The following AKAP6 variants were observed in gnomAD, a reference collection of about 807,000 sequenced individuals.
AKAP6 encodes the protein A-kinase anchoring protein 6.
In AKAP6, 58 loss-of-function variants were observed where a neutral mutation model predicts 188.5. The observed-to-expected ratio is 0.31, with a 90% CI of 0.25 to 0.38. The LOEUF (loss-of-function observed/expected upper bound fraction) is 0.38. AKAP6 is among the 10% of genes least tolerant of loss of function. The probability of loss-of-function intolerance (pLI) is 1.00; values close to 1 mark genes in which losing one functional copy is unlikely to be tolerated. For synonymous variants in AKAP6, 989 were observed against 998.6 expected (o/e 0.99, Z 0.18); for missense variants, 2,710 against 2,740.0 (o/e 0.99, Z 0.24).
intron 3 of AKAP6, among the ~76,000 whole-genome samples, chr14:32,538,845 CTAAAAA>C (rs1275707088): frequency 6.6e-6 from 1 of 151,804 alleles, no homozygotes; most frequent in African/African-American, 2.4e-5. Flanking sequence ...TACCCCAGAA[CTAAAAA>C]TTAAAATTAA....
chr14:32,730,527 T>G (rs1366450912), intron 9 of AKAP6, among the ~76,000 whole-genome samples: 1 of 152,134 alleles, frequency 6.6e-6, no homozygotes, highest in African/African-American at 2.4e-5. Flanking sequence ...TTGACTGATG[T>G]GCTGTGTGAG....
At chr14:32,522,540 A>G (rs920189377) in intron 2 of AKAP6, among the ~76,000 whole-genome samples, 1 of 152,246 alleles carries the variant, frequency 6.6e-6, no homozygotes, top group Non-Finnish European at 1.5e-5. Context: ...ATATGAACAG[A>G]CACTTTTCAA....
At chr14:32,605,223 A>G (rs557428860) in intron 7 of AKAP6, among the ~76,000 whole-genome samples, 1 of 152,362 alleles carries the variant, frequency 6.6e-6, no homozygotes, top group South Asian at 2.1e-4. Flanking sequence ...ACAAAGTGCT[A>G]TAAATACACT....
At chr14:32,330,345 T>C (rs988307420) in intron 1 of AKAP6, among the ~76,000 whole-genome samples, 8 of 152,094 alleles carry the variant, frequency 5.3e-5, no homozygotes, top group Admixed American at 2.6e-4. Flanking sequence ...TCATTTCAAC[T>C]CCTAGCTCTG....
intron 9 of AKAP6, among the ~76,000 whole-genome samples, chr14:32,728,829 T>G (rs1006896728): frequency 4.6e-5 from 7 of 152,116 alleles, no homozygotes; most frequent in African/African-American, 1.7e-4. Context: ...CTTTTTTCTT[T>G]CCTCTTCTGA....
chr14:32,378,779 C>G (rs1308515121), intron 1 of AKAP6, among the ~76,000 whole-genome samples: 1 of 152,078 alleles, frequency 6.6e-6, no homozygotes, highest in African/African-American at 2.4e-5. Flanking sequence ...AATGGAAATA[C>G]TTTTATTTTG....
chr14:32,416,216 T>C (rs1328069956), intron 1 of AKAP6, among the ~76,000 whole-genome samples: 1 of 152,240 alleles, frequency 6.6e-6, no homozygotes, highest in Non-Finnish European at 1.5e-5. Flanking sequence ...AATTATTTTC[T>C]GTTTGTGTGT....
At chr14:32,798,184 C>T (rs1594956345) in intron 12 of AKAP6, among the ~76,000 whole-genome samples, 1 of 110,702 alleles carries the variant, frequency 9.0e-6, no homozygotes, top group Admixed American at 8.7e-5. Flanking sequence ...CAAATCAAAA[C>T]CACAATGAGA....
At chr14:32,750,787 C>T (rs144638724) in intron 11 of AKAP6, among the ~76,000 whole-genome samples, 10,569 of 148,852 alleles carry the variant, frequency 0.071, 534 homozygotes, top group Middle Eastern at 0.1. Context: ...CTGTCACCCA[C>T]GCTGGAGTGC....
At chr14:32,428,656 G>A (rs1448358217) in intron 1 of AKAP6, among the ~76,000 whole-genome samples, 1 of 152,186 alleles carries the variant, frequency 6.6e-6, no homozygotes, top group African/African-American at 2.4e-5. Flanking sequence ...GGGAAGCTTT[G>A]ATGGCGATGT....
At chr14:32,466,631 G>T (rs1483266847) in intron 2 of AKAP6, among the ~76,000 whole-genome samples, 1 of 150,394 alleles carries the variant, frequency 6.6e-6, no homozygotes, top group Non-Finnish European at 1.5e-5. Flanking sequence ...TGCATGCGGG[G>T]CTTAAAACCT....
At chr14:32,816,077 C>G (rs904446853) in intron 12 of AKAP6, among the ~76,000 whole-genome samples, 12 of 152,162 alleles carry the variant, frequency 7.9e-5, no homozygotes, top group African/African-American at 2.9e-4. Flanking sequence ...CTTGCTGACT[C>G]TGAATCCATT....
chr14:32,544,289 T>C (rs766006667), intron 3 of AKAP6, among the ~76,000 whole-genome samples: 1 of 152,224 alleles, frequency 6.6e-6, no homozygotes, highest in Non-Finnish European at 1.5e-5. Flanking sequence ...ATTTAGCCAG[T>C]AGGCAAAATA....
rs1339653553 is a variant in AKAP6 at position 32,822,676 on chromosome 14, C to A, written c.4863C>A (p.Ser1621Arg). 1 of 1,613,982 alleles carries A rather than the reference C, an allele frequency of 6.2e-7. No homozygotes were observed. Among genetic ancestry groups the A allele is most frequent in the Non-Finnish European group, 8.5e-7 (1 of 1,179,938 alleles). The change falls in exon 13 of 14, where the codon AGC becomes AGA. Residue 1621 changes from serine to arginine, a missense_variant. Coordinates refer to ENST00000280979, the MANE Select transcript of AKAP6 (RefSeq NM_004274.5). Reference protein sequence around the residue: ...SCHSSGDISVSSGSVGELSKR... With the variant: ...SCHSSGDISVRSGSVGELSKR... ...ACAGCTCTGGGGATATAAGCGTGAG[C>A]AGTGGCTCAGTTGGTGAACTAAGTA...
intron 7 of AKAP6, among the ~76,000 whole-genome samples, chr14:32,654,719 C>T (rs1888380964): frequency 6.6e-6 from 1 of 151,244 alleles, no homozygotes; most frequent in Non-Finnish European, 1.5e-5. Flanking sequence ...CATGGTGGCA[C>T]ATGCTTGTGG....
chr14:32,522,427 A>G (rs1325045086), intron 2 of AKAP6, among the ~76,000 whole-genome samples: 1 of 152,124 alleles, frequency 6.6e-6, no homozygotes, highest in Non-Finnish European at 1.5e-5. Context: ...GAAAAATTTT[A>G]CAATCTACCC....
intron 7 of AKAP6, among the ~76,000 whole-genome samples, chr14:32,633,472 C>T (rs1270821662): frequency 6.6e-6 from 1 of 152,036 alleles, no homozygotes; most frequent in Non-Finnish European, 1.5e-5. Flanking sequence ...TACCATGTGA[C>T]TTGCAGGCCT....
intron 7 of AKAP6, among the ~76,000 whole-genome samples, chr14:32,637,072 A>G (rs1055793517): frequency 2.0e-5 from 3 of 152,084 alleles, no homozygotes; most frequent in Admixed American, 6.6e-5. Flanking sequence ...TATCATCTCT[A>G]TTTATAATTT....
At position 32,476,301 on chromosome 14, in the gene AKAP6, G is replaced by T. The variant is rs188065547; in HGVS notation, c.324+42484G>T. Among the ~76,000 whole-genome samples the T allele has an allele frequency of 2.6e-4, 39 of 152,190 alleles. No homozygotes were observed. The South Asian group carries it at 7.7e-3, about 30-fold the overall frequency. The stretch of plus-strand genomic sequence containing the variant: ...TTTTAAAAATCTTTATCCATAGAAG[G>T]CTAGGCAAGGAGGATGGATCTATAT... On this transcript the variant is annotated intron_variant, in intron 2 of 13. Coordinates refer to ENST00000280979, the MANE Select transcript of AKAP6 (RefSeq NM_004274.5).
Sources: gnomAD v4.1 joint callset for allele counts (sites outside exome capture counted in the v4.1 genomes callset) on GRCh38, gnomAD v4.1.1 for gene constraint, MANE v1.5 for transcripts, NCBI Gene and HGNC (gene_info 2026-07-23, HGNC 2026-07-21) for gene names.